Variants in SBNO1 observed in about 807,000 individuals in gnomAD.
SBNO1 encodes strawberry notch homolog 1.
Under a neutral mutation model 173.6 loss-of-function variants are expected in SBNO1, and 23 were observed. That is an observed-to-expected ratio of 0.13 (90% CI 0.10 to 0.19). SBNO1 has a LOEUF of 0.19. Among genes scored for constraint, SBNO1 ranks in the 10% least tolerant of loss-of-function variants. The pLI is 1.00. For missense variants in SBNO1, 1,238 were observed against 1,671.2 expected, an observed-to-expected ratio of 0.74 and a Z score of 4.52; for synonymous variants, 632 against 571.5, an observed-to-expected ratio of 1.11 and a Z score of -1.51.
chr12:123,311,157 A>G, intron 24 of SBNO1, 28 bp from the exon 25 acceptor site: 2 of 1,537,316 alleles, frequency 1.3e-6, no homozygotes, highest in Non-Finnish European at 1.8e-6. Context: ...ATTCTGACTC[A>G]TAAATTACAA....
In SBNO1 at chr12:123,320,046, A is replaced by G. The variant is rs374593374; in HGVS notation, c.2668-15T>C. On this transcript the variant is annotated splice_polypyrimidine_tract_variant and intron_variant, in intron 19 of 31. Coordinates refer to ENST00000602398, the MANE Select transcript of SBNO1 (RefSeq NM_001167856.3). ...CGGCCAGTCATCTGAGAAGCCAAACAATGTCATTACAATGAAGGTATCTGA... is the reference window on the plus strand; with the variant it reads ...CGGCCAGTCATCTGAGAAGCCAAACGATGTCATTACAATGAAGGTATCTGA... 6.9e-5 allele frequency: 112 copies of G among 1,613,742 alleles called. 1 individual carries two copies. The African/African-American group carries it at 1.3e-3, about 19-fold the overall frequency.
intron 1 of SBNO1, among the ~76,000 whole-genome samples, chr12:123,355,002 C>A (rs540974019): frequency 6.6e-6 from 1 of 152,134 alleles, no homozygotes; most frequent in East Asian, 1.9e-4. Context: ...CCAGCCTGGG[C>A]AACAAAGGGA....
chr12:123,309,572 C>T lies in SBNO1; in HGVS notation c.3454G>A (p.Gly1152Arg), dbSNP rs2049004812. The T allele has an allele frequency of 1.2e-6, 2 of 1,613,458 alleles. No individual in the cohort carries two copies. Among genetic ancestry groups the T allele is most frequent in the African/African-American group, 2.7e-5 (2 of 74,890 alleles). The change falls in exon 27 of 32, where the codon GGA becomes AGA. Residue 1152 changes from glycine to arginine, a missense_variant. Gly to Arg is a moderately radical substitution (Grantham distance 125). Coordinates refer to ENST00000602398, the MANE Select transcript of SBNO1 (RefSeq NM_001167856.3). ...TCACTTTTCCGCACTTTTTCATCTC[C>T]AGAACCAAGATCTTGAACAAGAAAA... ...YDMGILDLGSGDEKVRKSDVK... is the reference protein window; with the variant it reads ...YDMGILDLGSRDEKVRKSDVK...
chr12:123,328,120 TTCTGATTGCC>T, intron 10 of SBNO1, 93 bp from the exon 11 acceptor site: 1 of 990,110 alleles, frequency 1.0e-6, no homozygotes, highest in Non-Finnish European at 1.5e-6. Context: ...CCCTGAGGCC[TTCTGATTGCC>T]TATTTCATGA....
intron 1 of SBNO1, 39 bp downstream of exon 1, chr12:123,364,662 G>C (rs891586407): frequency 1.7e-3 from 1,639 of 983,384 alleles, no homozygotes; most frequent in Non-Finnish European, 1.9e-3. Context: ...TCCGGGAGGG[G>C]GAGTGTGGAA....
At chr12:123,352,013 T>C (rs1873935755) in intron 1 of SBNO1, among the ~76,000 whole-genome samples, 1 of 152,050 alleles carries the variant, frequency 6.6e-6, no homozygotes, top group Admixed American at 6.6e-5. Flanking sequence ...AGTAGACAGA[T>C]TTTAGTTTGG....
intron 30 of SBNO1, among the ~76,000 whole-genome samples, chr12:123,299,993 C>G (rs1409530738): frequency 1.3e-5 from 2 of 151,952 alleles, no homozygotes; most frequent in African/African-American, 4.8e-5. Flanking sequence ...ACTCAGCAAT[C>G]TAGAGAGATG....
Position 123,294,875 on chromosome 12 carries a change from C to G in SBNO1, c.*1033G>C, listed in dbSNP as rs773892670. 1 of 128,686 alleles carries G rather than the reference C, an allele frequency of 7.8e-6. No homozygotes were observed. Among genetic ancestry groups the G allele is most frequent in the Admixed American group, 7.2e-5 (1 of 13,856 alleles). The allele number at this position is 128,686 out of a possible 1,614,324, so 8.0% of individuals were successfully genotyped here. ...CAATATTCAAGTTACTGAGTAACAACAATAACAACAATAACAAAAGAACAC... is the reference window on the plus strand; with the variant it reads ...CAATATTCAAGTTACTGAGTAACAAGAATAACAACAATAACAAAAGAACAC... On this transcript the variant is annotated 3_prime_UTR_variant, in exon 32 of 32. Coordinates refer to ENST00000602398, the MANE Select transcript of SBNO1 (RefSeq NM_001167856.3).
At chr12:123,308,185 A>G (rs2048967800) in intron 28 of SBNO1, among the ~76,000 whole-genome samples, 1 of 152,234 alleles carries the variant, frequency 6.6e-6, no homozygotes, top group African/African-American at 2.4e-5. Flanking sequence ...ATACTGCTGA[A>G]TATCTACATA....
chr12:123,354,182 T>C (rs1393295377), intron 1 of SBNO1, among the ~76,000 whole-genome samples: 3 of 152,176 alleles, frequency 2.0e-5, no homozygotes. Context: ...GTGACCAGCT[T>C]AGAACTCACT....
At chr12:123,328,595 T>C in intron 10 of SBNO1, 139 bp downstream of exon 10, 1 of 590,096 alleles carries the variant, frequency 1.7e-6, no homozygotes, top group South Asian at 4.9e-5. Flanking sequence ...AACTTTCCAA[T>C]CCCTTTGGAC....
chr12:123,297,399 C>CAAAAAAAAAAAAAAAA (rs2048640328), intron 31 of SBNO1, among the ~76,000 whole-genome samples: 1 of 15,100 alleles, frequency 6.6e-5, no homozygotes, highest in African/African-American at 1.3e-4. Flanking sequence ...ATACTGGTGT[C>CAAAAAAAAAAAAAAAA]CAAAAAAAAA....
rs1248894989 is a variant in SBNO1, at chr12:123,289,664, C to CCT, written c.*6242_*6243dup. ...CAGAGATACAGTGTACCTCTTCCCACCTCTCATGGATGATGGAAGATACAA... is the reference window on the plus strand; with the variant it reads ...CAGAGATACAGTGTACCTCTTCCCACCTCTCTCATGGATGATGGAAGATACAA... On this transcript the variant is annotated 3_prime_UTR_variant, in exon 32 of 32. Transcript: ENST00000602398. 6.6e-6 allele frequency: 1 copy of CCT among 152,216 alleles called. No homozygotes were observed. The highest frequency in any genetic ancestry group is 1.5e-5 in the Non-Finnish European group (1 of 68,038). The allele number at this position is 152,216 out of a possible 1,614,324, so 9.4% of individuals were successfully genotyped here. A position where few individuals can be genotyped will look rare whatever the true frequency, so the allele number is the denominator to read the frequency against.
At chr12:123,301,762 G>A (rs894948666) in intron 30 of SBNO1, among the ~76,000 whole-genome samples, 1 of 152,028 alleles carries the variant, frequency 6.6e-6, no homozygotes, top group African/African-American at 2.4e-5. Flanking sequence ...AAAAAGAGAG[G>A]AAGAAAGAAA....
intron 9 of SBNO1, among the ~76,000 whole-genome samples, chr12:123,329,440 A>T (rs1164925687): frequency 4.0e-5 from 6 of 151,532 alleles, no homozygotes; most frequent in Non-Finnish European, 1.5e-5. Context: ...AAAAAAAAAC[A>T]TTAAAAACCA....
At chr12:123,307,402 T>C (rs959577964) in intron 28 of SBNO1, among the ~76,000 whole-genome samples, 4 of 152,088 alleles carry the variant, frequency 2.6e-5, no homozygotes, top group Non-Finnish European at 4.4e-5. Context: ...ACATGCAATA[T>C]AGACCACATA....
rs1869990261 is a variant in SBNO1, at chr12:123,321,676, T to A, written c.2182A>T (p.Ser728Cys). 14 of 1,614,136 alleles carry A rather than the reference T, an allele frequency of 8.7e-6. No individual in the cohort carries two copies. Among genetic ancestry groups the A allele is most frequent in the Non-Finnish European group, 1.1e-5 (13 of 1,180,004 alleles). Residue 728 changes from serine (S) to cysteine (C), a missense_variant, in exon 17 of 32, where the codon AGC (serine) becomes TGC (cysteine). Ser to Cys is a moderately radical substitution (Grantham distance 112). Coordinates refer to ENST00000602398, the MANE Select transcript of SBNO1 (RefSeq NM_001167856.3). ...TCACTTCCACTGTCGTCAGAACTGC[T>A]ACCAGTAAGGCCACCTACTTTTCGT... is the stretch of plus-strand genomic sequence containing the variant. ...KARKVGGLTG[S>C]SSDDSGSESD...
intron 7 of SBNO1, among the ~76,000 whole-genome samples, chr12:123,332,103 C>T (rs1485789097): frequency 6.6e-6 from 1 of 152,076 alleles, no homozygotes; most frequent in African/African-American, 2.4e-5. Context: ...CCCGCCTTGG[C>T]CTCCCAAAGT....
At chr12:123,336,063 T>TA (rs1290753289) in intron 6 of SBNO1, among the ~76,000 whole-genome samples, 3 of 152,096 alleles carry the variant, frequency 2.0e-5, no homozygotes, top group Non-Finnish European at 4.4e-5. Context: ...CAGTGGCTGC[T>TA]AAAAAAAGAA....
Sources: allele counts gnomAD v4.1 joint callset (sites outside exome capture counted in the v4.1 genomes callset), GRCh38; gene constraint gnomAD v4.1.1; transcripts MANE v1.5; gene names NCBI Gene and HGNC (gene_info 2026-07-23, HGNC 2026-07-21).